SH3RF3: variants seen among roughly 807,000 people sequenced by gnomAD.
The protein encoded by SH3RF3 is SH3 domain containing ring finger 3.
SH3RF3 carries 29 observed loss-of-function variants against 66.3 expected under a neutral mutation model. That is an observed-to-expected ratio of 0.44 (90% CI 0.33 to 0.60). The LOEUF (loss-of-function observed/expected upper bound fraction) is 0.60, where lower values mean the gene tolerates loss of function less well. Among genes scored for constraint, SH3RF3 ranks in the 20% least tolerant of loss-of-function variants. SH3RF3 has a pLI of 0.04. For missense variants in SH3RF3, 1,194 were observed against 1,190.9 expected (o/e 1.00, Z -0.04); for synonymous variants, 583 against 532.0 (o/e 1.10, Z -1.32).
At chr2:109,464,253 G>C (rs79150859) in intron 8 of SH3RF3, among the ~76,000 whole-genome samples, 12 of 152,218 alleles carry the variant, frequency 7.9e-5, no homozygotes, top group Middle Eastern at 3.4e-3. Context: ...TACACACACA[G>C]ATACACATCC....
At chr2:109,300,586 G>C (rs542612332) in intron 1 of SH3RF3, among the ~76,000 whole-genome samples, 1 of 152,188 alleles carries the variant, frequency 6.6e-6, no homozygotes, top group African/African-American at 2.4e-5. Flanking sequence ...TTAGGGGTAT[G>C]ATTGGCAAAT....
chr2:109,318,807 G>C (rs1239834605), intron 1 of SH3RF3, among the ~76,000 whole-genome samples: 1 of 152,212 alleles, frequency 6.6e-6, no homozygotes, highest in African/African-American at 2.4e-5. Flanking sequence ...CTGGCCTGAG[G>C]CCACCCATCC....
At position 109,315,555 on chromosome 2, in the gene SH3RF3, C is replaced by T. The variant is rs111781370; in HGVS notation, c.574-32119C>T. Among the ~76,000 whole-genome samples the T allele has an allele frequency of 3.7e-3, 560 of 152,288 alleles. 4 individuals carry two copies. Among genetic ancestry groups the T allele is most frequent in the Non-Finnish European group, 5.1e-3 (345 of 68,036 alleles). On this transcript the variant is annotated intron_variant, in intron 1 of 9. Coordinates refer to ENST00000309415, the MANE Select transcript of SH3RF3 (RefSeq NM_001099289.3). Reference sequence around the variant, plus strand: ...CCGTTTTTGGTGTAAGCAAAGGGGACCATGTGTGCCTGTTGTGCACTGTCT... The same window carrying T: ...CCGTTTTTGGTGTAAGCAAAGGGGATCATGTGTGCCTGTTGTGCACTGTCT...
chr2:109,273,530 C>G lies in SH3RF3; in HGVS notation c.574-74144C>G, dbSNP rs539505942. ...ACCAGGTGAATGCAGACCCCACTCA[C>G]TGGGCACGTGTTTAGTGAATGCATG... On this transcript the variant is annotated intron_variant, in intron 1 of 9. Transcript: ENST00000309415. Among the ~76,000 whole-genome samples, 114 of 152,352 alleles carry G rather than the reference C, an allele frequency of 7.5e-4. 2 individuals carry two copies. The South Asian group carries it at 0.015, about 20-fold the overall frequency.
At chr2:109,354,208 T>C (rs1682897958) in intron 2 of SH3RF3, among the ~76,000 whole-genome samples, 1 of 152,174 alleles carries the variant, frequency 6.6e-6, no homozygotes, top group Non-Finnish European at 1.5e-5. Context: ...GGGCCCTGTG[T>C]GTGTGGCTGA....
chr2:109,181,337 A>G (rs1362198899), intron 1 of SH3RF3, among the ~76,000 whole-genome samples: 2 of 152,234 alleles, frequency 1.3e-5, no homozygotes, highest in Non-Finnish European at 2.9e-5. Flanking sequence ...ACATGGGTAC[A>G]TTACTGTTCA....
intron 7 of SH3RF3, among the ~76,000 whole-genome samples, chr2:109,446,716 C>T (rs1677714183): frequency 6.6e-6 from 1 of 152,112 alleles, no homozygotes; most frequent in Non-Finnish European, 1.5e-5. Flanking sequence ...GCCAGTGTGG[C>T]TGAGGGGAGA....
In SH3RF3 at chr2:109,216,496, C is replaced by T. The variant is rs899594891; in HGVS notation, c.573+86383C>T. Among the ~76,000 whole-genome samples the T allele has an allele frequency of 6.6e-5, 10 of 152,196 alleles. No individual in the cohort carries two copies. In the East Asian group the frequency reaches 1.5e-3, roughly 23 times the overall value. On this transcript the variant is annotated intron_variant, in intron 1 of 9. Coordinates refer to ENST00000309415, the MANE Select transcript of SH3RF3 (RefSeq NM_001099289.3). The stretch of plus-strand genomic sequence containing the variant: ...TTATCCATGGAGAAGTGGCAGTGCA[C>T]GCCCACCTGGCCGCAAAGCTTAAGT...
chr2:109,286,155 G>A (rs1322461084), intron 1 of SH3RF3, among the ~76,000 whole-genome samples: 1 of 152,204 alleles, frequency 6.6e-6, no homozygotes, highest in East Asian at 1.9e-4. Flanking sequence ...GATTTTCCAA[G>A]TCACTTTATT....
intron 1 of SH3RF3, among the ~76,000 whole-genome samples, chr2:109,329,782 G>GC (rs1366538650): frequency 6.6e-6 from 1 of 152,184 alleles, no homozygotes; most frequent in Non-Finnish European, 1.5e-5. Flanking sequence ...TCTTACATAG[G>GC]CCCAGCCTCA....
At chr2:109,344,067 C>T (rs147468502) in intron 1 of SH3RF3, among the ~76,000 whole-genome samples, 1 of 152,220 alleles carries the variant, frequency 6.6e-6, no homozygotes, top group Non-Finnish European at 1.5e-5. Flanking sequence ...TTGTAACTTT[C>T]CCCCCTGTAT....
chr2:109,402,353 G>A lies in SH3RF3; in HGVS notation c.1299+3410G>A, dbSNP rs1676338440. On this transcript the variant is annotated intron_variant, in intron 4 of 9. Coordinates refer to ENST00000309415, the MANE Select transcript of SH3RF3 (RefSeq NM_001099289.3). ...CCACCATGCTGGCCACAGCCCAGGAGAGGGAGCCCAGGCCCAGGATTCTGT... is the reference window on the plus strand; with the variant it reads ...CCACCATGCTGGCCACAGCCCAGGAAAGGGAGCCCAGGCCCAGGATTCTGT... 2.0e-5 allele frequency among the ~76,000 whole-genome samples: 3 copies of A among 152,276 alleles called. No individual in the cohort carries two copies. In the South Asian group the frequency reaches 6.2e-4, roughly 31 times the overall value.
chr2:109,437,260 G>A, intron 7 of SH3RF3, 114 bp downstream of exon 7: 2 of 1,420,866 alleles, frequency 1.4e-6, no homozygotes. Context: ...GCTGGTGGCA[G>A]CTTCATGGCA....
At chr2:109,339,230 G>A (rs955593960) in intron 1 of SH3RF3, among the ~76,000 whole-genome samples, 10 of 145,522 alleles carry the variant, frequency 6.9e-5, no homozygotes, top group Admixed American at 6.8e-4. Context: ...CCACGTATAA[G>A]TAGACCCTTG....
At chr2:109,404,329 G>A (rs1676391696) in intron 4 of SH3RF3, among the ~76,000 whole-genome samples, 1 of 152,228 alleles carries the variant, frequency 6.6e-6, no homozygotes, top group Non-Finnish European at 1.5e-5. Flanking sequence ...AGAGCTGGGA[G>A]CTGTGTAAGG....
intron 1 of SH3RF3, among the ~76,000 whole-genome samples, chr2:109,137,661 A>G (rs1676842346): frequency 6.6e-6 from 1 of 152,238 alleles, no homozygotes; most frequent in Admixed American, 6.5e-5. Flanking sequence ...GAACCCAGAG[A>G]TACTGGAGAG....
At chr2:109,201,290 C>T (rs1678668993) in intron 1 of SH3RF3, among the ~76,000 whole-genome samples, 1 of 152,244 alleles carries the variant, frequency 6.6e-6, no homozygotes, top group Non-Finnish European at 1.5e-5. Flanking sequence ...CTTTCACAGA[C>T]AGACCCCAGC....
At chr2:109,226,040 G>A (rs1324682150) in intron 1 of SH3RF3, among the ~76,000 whole-genome samples, 1 of 152,178 alleles carries the variant, frequency 6.6e-6, no homozygotes, top group Admixed American at 6.5e-5. Flanking sequence ...GGAAAAAATA[G>A]GCCTGACCCT....
chr2:109,249,505 C>CTTTCTTTCTTTCTTTCTT lies in SH3RF3; in HGVS notation c.574-98165_574-98164insTTTCTTTCTTTCTTTTTC, dbSNP rs1680011978. 4.6e-5 allele frequency among the ~76,000 whole-genome samples: 2 copies of CTTTCTTTCTTTCTTTCTT among 43,254 alleles called. 1 individual carries two copies. Among genetic ancestry groups the CTTTCTTTCTTTCTTTCTT allele is most frequent in the South Asian group, 1.5e-3 (2 of 1,364 alleles). The allele number at this position is 43,254 out of a possible 152,430, so 28.4% of individuals were successfully genotyped here. A position where few individuals can be genotyped will look rare whatever the true frequency, so the allele number is the denominator to read the frequency against. On this transcript the variant is annotated intron_variant, in intron 1 of 9. Coordinates refer to ENST00000309415, the MANE Select transcript of SH3RF3 (RefSeq NM_001099289.3). The stretch of plus-strand genomic sequence containing the variant: ...TCTTTCTTTCTTTCTTTCTTTCTTT[C>CTTTCTTTCTTTCTTTCTT]TTTCATTCTTTCTTTTTCTTTCTTT...
Sources: gnomAD v4.1 joint callset for allele counts (sites outside exome capture counted in the v4.1 genomes callset) on GRCh38, gnomAD v4.1.1 for gene constraint, MANE v1.5 for transcripts, NCBI Gene and HGNC (gene_info 2026-07-23, HGNC 2026-07-21) for gene names.